The following APLP2 variants were observed in gnomAD, a reference collection of about 807,000 sequenced individuals.
The protein encoded by APLP2 is amyloid beta precursor like protein 2.
Under a neutral mutation model 89.9 loss-of-function variants are expected in APLP2, and 53 were observed. The ratio of observed to expected loss-of-function variants is 0.59; its 90% CI spans 0.47 to 0.74. The LOEUF (loss-of-function observed/expected upper bound fraction) is 0.74. Ranked by LOEUF, APLP2 falls within the 30% of genes least tolerant of loss-of-function variation. The probability of loss-of-function intolerance (pLI) is 0.00; values close to 1 mark genes in which losing one functional copy is unlikely to be tolerated. For synonymous variants in APLP2, 372 were observed against 348.6 expected, an observed-to-expected ratio of 1.07 and a Z score of -0.75; for missense variants, 973 against 975.9, an observed-to-expected ratio of 1.00 and a Z score of 0.04.
chr11:130,126,816 A>G lies in APLP2; in HGVS notation c.1207A>G (p.Asn403Asp). 2.5e-6 allele frequency: 4 copies of G among 1,614,226 alleles called. No individual in the cohort carries two copies. The highest frequency in any genetic ancestry group is 3.4e-6 in the Non-Finnish European group (4 of 1,180,046). The part of the protein sequence containing the change: ...AKEQLEIRHR[N>D]RMDRVKKEWE... The stretch of plus-strand genomic sequence containing the variant: ...GGAGCAGCTGGAGATTCGGCACCGC[A>G]ACCGAATGGACAGGGTAAACCTTGA... The change falls in exon 8 of 17, where the codon AAC (asparagine) becomes GAC (aspartate). Residue 403 changes from asparagine to aspartate, a missense_variant. Coordinates refer to ENST00000338167, the MANE Select transcript of APLP2 (RefSeq NM_001142276.2).
intron 1 of APLP2, among the ~76,000 whole-genome samples, chr11:130,074,184 A>T (rs571703957): frequency 3.9e-5 from 6 of 152,180 alleles, no homozygotes; most frequent in Admixed American, 1.3e-4. Flanking sequence ...TCTTTATAGC[A>T]TTTGAAAACA....
chr11:130,091,709 C>G (rs1487623781), intron 1 of APLP2, among the ~76,000 whole-genome samples: 2 of 131,796 alleles, frequency 1.5e-5, no homozygotes, highest in African/African-American at 3.2e-5. Context: ...GGCGGCTGGC[C>G]GGGCGGGGGG....
intron 1 of APLP2, chr11:130,101,875 C>T (rs7946849): frequency 0.058 from 25,901 of 444,406 alleles, 855 homozygotes; most frequent in Non-Finnish European, 0.074. Context: ...TTTCCTGTTC[C>T]GGGATCCTGT....
chr11:130,139,649 G>A (rs1453877513), intron 13 of APLP2: 1 of 152,272 alleles, frequency 6.6e-6, no homozygotes, highest in African/African-American at 2.4e-5. Flanking sequence ...GGCAGTGTCT[G>A]ACCTTGGTGA....
chr11:130,102,893 G>A (rs573985651), intron 1 of APLP2, among the ~76,000 whole-genome samples: 1 of 152,198 alleles, frequency 6.6e-6, no homozygotes, highest in African/African-American at 2.4e-5. Flanking sequence ...TAAGCAAAAT[G>A]GAAGTGCTGG....
At chr11:130,073,865 A>T (rs906766914) in intron 1 of APLP2, among the ~76,000 whole-genome samples, 1 of 152,196 alleles carries the variant, frequency 6.6e-6, no homozygotes, top group South Asian at 2.1e-4. Context: ...AAATAACTTT[A>T]ATCTTATAAA....
intron 1 of APLP2, among the ~76,000 whole-genome samples, chr11:130,091,897 C>G (rs201422607): frequency 4.1e-5 from 5 of 121,262 alleles, no homozygotes; most frequent in South Asian, 2.3e-4. Context: ...GGGTGGCTGC[C>G]GGGCGGAGAG....
chr11:130,128,998 C>G (rs772267598), intron 9 of APLP2, 50 bp from the exon 10 acceptor site: 15 of 1,576,522 alleles, frequency 9.5e-6, no homozygotes, highest in Admixed American at 1.7e-5. Context: ...CTTGCTTAGG[C>G]TTCCTCTGGG....
chr11:130,113,008 C>G (rs1948773518), intron 3 of APLP2, among the ~76,000 whole-genome samples: 1 of 152,152 alleles, frequency 6.6e-6, no homozygotes, highest in South Asian at 2.1e-4. Context: ...TTAAAGGGAG[C>G]CTTTCCTGGT....
rs1950648891 is a variant in APLP2, at chr11:130,128,981, C to T, written c.1297-67C>T. ...ACTGACAGGAGAAGCACTGGGGTCT[C>T]AGGGTGCTTGCTTAGGCTTCCTCTG... On this transcript the variant is annotated intron_variant, in intron 9 of 16. Coordinates refer to ENST00000338167, the MANE Select transcript of APLP2 (RefSeq NM_001142276.2). 3.2e-6 allele frequency: 5 copies of T among 1,550,536 alleles called. No homozygotes were observed. In the Admixed American group the frequency reaches 5.5e-5, roughly 17 times the overall value.
chr11:130,104,206 CTTTTTTTTTTTT>C lies in APLP2; in HGVS notation c.106-5207_106-5196del, dbSNP rs59598831. 1.0e-4 allele frequency among the ~76,000 whole-genome samples: 8 copies of C among 77,012 alleles called. No individual in the cohort carries two copies. The South Asian group carries it at 2.6e-3, about 25-fold the overall frequency. 50.5% of individuals were successfully genotyped at this position (77,012 alleles called of 152,430 possible). On this transcript the variant is annotated intron_variant, in intron 1 of 16. Coordinates refer to ENST00000338167, the MANE Select transcript of APLP2 (RefSeq NM_001142276.2). ...AAAGAACAGGACTTTTGGTACACAT[CTTTTTTTTTTTT>C]TTTTTTTTTTTTTTTGAGACAGATT...
rs1257435040 is a variant in APLP2 at position 130,121,651 on chromosome 11, G to A, written c.554G>A (p.Gly185Asp). ...CAGGGAATGACCTTATATAGCTACG[G>A]CATGCTGCTCCCATGTGGGGTAGAC... ...LTQGMTLYSY[G>D]MLLPCGVDQF... The change falls in exon 5 of 17, where the codon GGC (glycine) becomes GAC (aspartate). Residue 185 changes from glycine to aspartate, a missense_variant. By Grantham distance (94) the Gly-to-Asp change is moderately conservative. Transcript: ENST00000338167. 6.2e-7 allele frequency: 1 copy of A among 1,613,944 alleles called. No individual in the cohort carries two copies. The highest frequency in any genetic ancestry group is 8.5e-7 in the Non-Finnish European group (1 of 1,180,000).
chr11:130,086,773 C>G (rs1297908054), intron 1 of APLP2, among the ~76,000 whole-genome samples: 1 of 152,194 alleles, frequency 6.6e-6, no homozygotes, highest in Non-Finnish European at 1.5e-5. Context: ...TGTTGCATCC[C>G]CATTCAATTG....
chr11:130,087,598 A>C (rs1944315637), intron 1 of APLP2, among the ~76,000 whole-genome samples: 1 of 152,168 alleles, frequency 6.6e-6, no homozygotes, highest in African/African-American at 2.4e-5. Context: ...AGGAAAAGAG[A>C]ACATTGGTTT....
chr11:130,140,022 G>C (rs1952151582), intron 13 of APLP2, among the ~76,000 whole-genome samples: 2 of 152,184 alleles, frequency 1.3e-5, no homozygotes, highest in Non-Finnish European at 1.5e-5. Flanking sequence ...TGGCAGCCGG[G>C]TGTGGGTAGT....
chr11:130,084,110 G>A (rs919260210), intron 1 of APLP2, among the ~76,000 whole-genome samples: 1 of 152,156 alleles, frequency 6.6e-6, no homozygotes, highest in African/African-American at 2.4e-5. Flanking sequence ...GCCAGGCGTG[G>A]TGGCGGGTGC....
intron 1 of APLP2, 116 bp downstream of exon 1, chr11:130,070,198 C>T (rs1268019391): frequency 8.8e-6 from 4 of 456,240 alleles, no homozygotes; most frequent in Admixed American, 5.6e-5. Context: ...GCCGGGGGTC[C>T]GGCTCTGCGG....
At chr11:130,104,129 C>G (rs1200926922) in intron 1 of APLP2, among the ~76,000 whole-genome samples, 2 of 151,900 alleles carry the variant, frequency 1.3e-5, no homozygotes, top group Admixed American at 1.3e-4. Flanking sequence ...TTGGATATCC[C>G]CATTTTTCTC....
At chr11:130,098,337 G>A (rs981618740) in intron 1 of APLP2, among the ~76,000 whole-genome samples, 1 of 152,002 alleles carries the variant, frequency 6.6e-6, no homozygotes, top group Non-Finnish European at 1.5e-5. Context: ...CCCGGGAGTC[G>A]GAGGTTGCAG....
Sources: allele counts gnomAD v4.1 joint callset (sites outside exome capture counted in the v4.1 genomes callset), GRCh38; gene constraint gnomAD v4.1.1; transcripts MANE v1.5; gene names NCBI Gene and HGNC (gene_info 2026-07-23, HGNC 2026-07-21).